Variants in ACTN1 observed in about 807,000 individuals in gnomAD.
ACTN1 encodes the protein actinin alpha 1.
In ACTN1, 30 loss-of-function variants were observed where a neutral mutation model predicts 119.6. The observed-to-expected ratio is 0.25, with a 90% confidence interval of 0.19 to 0.34. The LOEUF is 0.34. Ranked by LOEUF, ACTN1 falls within the 10% of genes least tolerant of loss-of-function variation. The probability of loss-of-function intolerance (pLI) is 1.00; values close to 1 mark genes in which losing one functional copy is unlikely to be tolerated. For missense variants in ACTN1, 764 were observed against 1,223.4 expected, an observed-to-expected ratio of 0.62 and a Z score of 5.60; for synonymous variants, 429 against 472.6, an observed-to-expected ratio of 0.91 and a Z score of 1.20.
intron 6 of ACTN1, among the ~76,000 whole-genome samples, chr14:68,908,899 G>C (rs1252585090): frequency 6.6e-6 from 1 of 152,252 alleles, no homozygotes; most frequent in African/African-American, 2.4e-5. Flanking sequence ...GGTGGGATAA[G>C]CTGCCCAGGA....
chr14:68,889,052 C>T (rs888182971), intron 11 of ACTN1, among the ~76,000 whole-genome samples: 13 of 152,192 alleles, frequency 8.5e-5, no homozygotes, highest in East Asian at 1.9e-4. Flanking sequence ...CATTGAGCTC[C>T]GCCGGCCAAT....
At chr14:68,971,544 G>C (rs773114545) in intron 1 of ACTN1, among the ~76,000 whole-genome samples, 2 of 152,174 alleles carry the variant, frequency 1.3e-5, no homozygotes, top group Admixed American at 1.3e-4. Flanking sequence ...GGCCTCTCTC[G>C]CTGTGCGGCT....
chr14:68,977,803 C>CCCT (rs1555361559), intron 1 of ACTN1: 3 of 366,764 alleles, frequency 8.2e-6, no homozygotes, highest in East Asian at 8.1e-5. Context: ...CATCCTGTCC[C>CCCT]CCCCCCACCC....
rs2033407188 is a variant in ACTN1 at position 68,902,541 on chromosome 14, G to A, written c.698C>T (p.Pro233Leu). 5 of 1,613,694 alleles carry A rather than the reference G, an allele frequency of 3.1e-6. No individual in the cohort carries two copies. The highest frequency in any genetic ancestry group is 1.3e-5 in the African/African-American group (1 of 74,886). Residue 233 changes from proline (P) to leucine (L), a missense_variant, in exon 8 of 22, where the codon CCG (proline) becomes CTG (leucine). Around this residue, in one of 4 missense-constraint regions of ACTN1, gnomAD observed 544 missense variants for 912.0 expected, o/e 0.60. Coordinates refer to ENST00000394419, the MANE Select transcript of ACTN1 (RefSeq NM_001130004.2). ...DAEDIVGTAR[P>L]DEKAIMTYVS... ...GTAAGTCATGATGGCTTTCTCATCCGGTCGGGCAGTTCCAACGATGTCTGT... is the reference window on the plus strand; with the variant it reads ...GTAAGTCATGATGGCTTTCTCATCCAGTCGGGCAGTTCCAACGATGTCTGT...
At chr14:68,899,628 A>G (rs1444130117) in intron 8 of ACTN1, among the ~76,000 whole-genome samples, 2 of 151,870 alleles carry the variant, frequency 1.3e-5, no homozygotes, top group African/African-American at 4.8e-5. Flanking sequence ...TACATACCAC[A>G]CACCCACTTC....
Position 68,879,329 on chromosome 14 carries a change from CA to C in ACTN1, c.2281-261del, listed in dbSNP as rs1407824111. Among the ~76,000 whole-genome samples, 1 of 152,042 alleles carries C rather than the reference CA, an allele frequency of 6.6e-6. No homozygotes were observed. Among genetic ancestry groups the C allele is most frequent in the Admixed American group, 6.6e-5 (1 of 15,264 alleles). ...GACCACAGTGGGGTGTGATGAGCCA[CA>C]AGGGTGAGAAGCTCCCTCAGAAGTG... On this transcript the variant is annotated intron_variant, in intron 18 of 21. Coordinates refer to ENST00000394419, the MANE Select transcript of ACTN1 (RefSeq NM_001130004.2). The surrounding 1 kb of genome is among the most constrained non-coding windows in gnomAD (Gnocchi z 4.9).
rs200753816 is a variant in ACTN1, at chr14:68,899,210, CCACACCA to C, written c.762+3260_762+3266del. Among the ~76,000 whole-genome samples, 1,031 of 137,030 alleles carry C rather than the reference CCACACCA, an allele frequency of 7.5e-3. 21 individuals carry two copies. Among genetic ancestry groups the C allele is most frequent in the African/African-American group, 0.025 (929 of 37,438 alleles). The allele number at this position is 137,030 out of a possible 152,430, so 89.9% of individuals were successfully genotyped here. A position where few individuals can be genotyped will look rare whatever the true frequency, so the allele number is the denominator to read the frequency against. ...CACACCCACAGCACACTATACCCCT[CCACACCA>C]CACACCACACCCCACACACACAGCA... On this transcript the variant is annotated intron_variant, in intron 8 of 21. Coordinates refer to ENST00000394419, the MANE Select transcript of ACTN1 (RefSeq NM_001130004.2).
intron 8 of ACTN1, among the ~76,000 whole-genome samples, chr14:68,899,122 C>A (rs961705108): frequency 2.1e-5 from 3 of 143,746 alleles, no homozygotes; most frequent in South Asian, 2.3e-4. Flanking sequence ...CACACCACAA[C>A]CACACCACAC....
intron 1 of ACTN1, among the ~76,000 whole-genome samples, chr14:68,961,586 C>T (rs2036543952): frequency 6.6e-6 from 1 of 152,174 alleles, no homozygotes. Flanking sequence ...GCTATAGGCC[C>T]TATGTGGATC....
chr14:68,885,550 C>A lies in ACTN1; in HGVS notation c.1260G>T (p.Lys420Asn). ...TDGKEAMLRQ[K>N]DYETATLSEI... ...CCGAGAGGGTGGCGGTCTCATAGTC[C>A]TTCTGTCGCAGCATGGCCTCTTTGC... The change falls in exon 12 of 22, where the codon AAG becomes AAT. Residue 420 changes from lysine (K) to asparagine (N), a missense_variant. Lys to Asn is a moderately conservative substitution (Grantham distance 94). Transcript: ENST00000394419. The surrounding 1 kb of genome is among the most constrained non-coding windows in gnomAD (Gnocchi z 5.6). 6.2e-7 allele frequency: 1 copy of A among 1,613,832 alleles called. No homozygotes were observed.
intron 13 of ACTN1, 22 bp from the exon 14 acceptor site, chr14:68,884,330 A>G: frequency 6.2e-7 from 1 of 1,612,132 alleles, no homozygotes; most frequent in South Asian, 1.1e-5. Context: ...AAATAGGGTA[A>G]GGGTTAGTAC....
Position 68,884,997 on chromosome 14 carries a change from G to A in ACTN1, c.1386-114C>T, listed in dbSNP as rs1040189131. 15 of 847,780 alleles carry A rather than the reference G, an allele frequency of 1.8e-5. No homozygotes were observed. In the East Asian group the frequency reaches 2.0e-4, roughly 12 times the overall value. The allele number at this position is 847,780 out of a possible 1,614,324, so 52.5% of individuals were successfully genotyped here. ...GGTGGTGCTGGGAAGAGCCAGGGGCGCTCCCTTCAAGAGACCTTCCAGGCA... is the reference window on the plus strand; with the variant it reads ...GGTGGTGCTGGGAAGAGCCAGGGGCACTCCCTTCAAGAGACCTTCCAGGCA... On this transcript the variant is annotated intron_variant, in intron 12 of 21. Transcript: ENST00000394419.
intron 8 of ACTN1, among the ~76,000 whole-genome samples, chr14:68,901,652 G>A (rs2033341849): frequency 6.6e-6 from 1 of 152,242 alleles, no homozygotes; most frequent in South Asian, 2.1e-4. Context: ...TTCTTCTGGA[G>A]TCCTGCCTAC....
intron 1 of ACTN1, among the ~76,000 whole-genome samples, chr14:68,927,151 G>C (rs1294315346): frequency 2.0e-5 from 3 of 151,334 alleles, no homozygotes; most frequent in Admixed American, 1.3e-4. Flanking sequence ...CACAGATCAG[G>C]GTAGATAGGG....
Position 68,874,943 on chromosome 14 carries a change from G to T in ACTN1, c.2661C>A (p.Ala887=). Residue 887 remains alanine, a synonymous_variant, in exon 22 of 22, where the codon GCC becomes GCA. Coordinates refer to ENST00000394419, the MANE Select transcript of ACTN1 (RefSeq NM_001130004.2). ...DQAEYCIARM[A]PYTGPDSVPG... The stretch of plus-strand genomic sequence containing the variant: ...GCACGGAGTCGGGGCCGGTGTAGGG[G>T]GCCATCCGCGCGATGCAGTACTCAG... 6.2e-7 allele frequency: 1 copy of T among 1,613,442 alleles called. No individual in the cohort carries two copies. The highest frequency in any genetic ancestry group is 8.5e-7 in the Non-Finnish European group (1 of 1,179,696).
At chr14:68,967,119 A>G (rs570472583) in intron 1 of ACTN1, among the ~76,000 whole-genome samples, 1 of 152,320 alleles carries the variant, frequency 6.6e-6, no homozygotes, top group East Asian at 1.9e-4. Flanking sequence ...CCCCATCCCA[A>G]TGACAAGGCC....
chr14:68,922,695 G>A (rs1196784711), intron 2 of ACTN1, among the ~76,000 whole-genome samples: 5 of 152,256 alleles, frequency 3.3e-5, no homozygotes, highest in Non-Finnish European at 7.3e-5. Context: ...CCAGGCCTGG[G>A]CCAGTGGTTC....
chr14:68,905,576 GA>G (rs1387498688), intron 6 of ACTN1, among the ~76,000 whole-genome samples: 2 of 152,208 alleles, frequency 1.3e-5, no homozygotes, highest in Non-Finnish European at 2.9e-5. Context: ...ATGAACGGAT[GA>G]GCAAAACGTG....
intron 1 of ACTN1, among the ~76,000 whole-genome samples, chr14:68,945,699 G>A (rs2035923102): frequency 6.6e-6 from 1 of 152,206 alleles, no homozygotes; most frequent in Non-Finnish European, 1.5e-5. Context: ...GCCACACCCA[G>A]ATTTTCAGAC....
Sources: gnomAD v4.1 joint callset for allele counts (sites outside exome capture counted in the v4.1 genomes callset) on GRCh38, gnomAD v4.1.1 for gene constraint, gnomAD v4.1.1 regional missense constraint, Gnocchi (gnomAD v3.1) non-coding constraint, MANE v1.5 for transcripts, NCBI Gene and HGNC (gene_info 2026-07-23, HGNC 2026-07-21) for gene names.